Variants in ACADM observed in about 807,000 individuals in gnomAD.
ACADM encodes the protein acyl-CoA dehydrogenase medium chain.
ACADM carries 49 observed loss-of-function variants against 58.9 expected under a neutral mutation model. The ratio of observed to expected loss-of-function variants is 0.83; its 90% CI spans 0.66 to 1.06. ACADM has a LOEUF of 1.06. Ranked by LOEUF, ACADM falls within the 50% of genes least tolerant of loss-of-function variation. The pLI is 0.00. For missense variants in ACADM, 496 were observed against 507.0 expected (o/e 0.98, Z 0.21); for synonymous variants, 160 against 157.7 (o/e 1.01, Z -0.11).
At chr1:75,761,895 C>G (rs1444481419) in intron 11 of ACADM, among the ~76,000 whole-genome samples, 1 of 152,184 alleles carries the variant, frequency 6.6e-6, no homozygotes, top group African/African-American at 2.4e-5. Context: ...TTAATAATTA[C>G]CACATTCTTG....
At chr1:75,743,517 G>A in intron 7 of ACADM, 1 of 1,608,572 alleles carries the variant, frequency 6.2e-7, no homozygotes, top group Non-Finnish European at 8.5e-7. Context: ...GGTGATCATA[G>A]GTCAGTGCCA....
intron 2 of ACADM, among the ~76,000 whole-genome samples, chr1:75,728,958 T>C (rs1439819683): frequency 6.6e-6 from 1 of 152,206 alleles, no homozygotes; most frequent in Non-Finnish European, 1.5e-5. Flanking sequence ...CCATGATTTT[T>C]TTTCCTCTGC....
chr1:75,739,900 A>C, intron 6 of ACADM, 80 bp from the exon 7 acceptor site: 1 of 1,056,656 alleles, frequency 9.5e-7, no homozygotes, highest in Non-Finnish European at 1.3e-6. Flanking sequence ...AGCTTAAAAA[A>C]TAAAACAATC....
rs180721282 is a variant in ACADM at position 75,740,789 on chromosome 1, A to G, written c.599+679A>G. Among the ~76,000 whole-genome samples the G allele has an allele frequency of 6.6e-4, 100 of 152,310 alleles. 1 individual carries two copies. Among genetic ancestry groups the G allele is most frequent in the African/African-American group, 2.2e-3 (90 of 41,584 alleles). On this transcript the variant is annotated intron_variant, in intron 7 of 11. Transcript: ENST00000370841. ...AAGTACAGCATCAAATAGAGAAAAA[A>G]TGGTGACAGTTCTGGGCAACACATT...
At chr1:75,728,302 G>A in intron 1 of ACADM, 99 bp from the exon 2 acceptor site, 1 of 926,236 alleles carries the variant, frequency 1.1e-6, no homozygotes, top group Non-Finnish European at 1.6e-6. Context: ...TATGAGTATG[G>A]TCAAACCAGT....
In ACADM at chr1:75,750,481, A is replaced by C; in HGVS notation, c.880A>C (p.Arg294=). ...TGCTGGTGCTGTTGGATTAGCACAA[A>C]GAGCTTTGGATGAAGCTACCAAGTA... The part of the protein sequence containing the change: ...VAAGAVGLAQ[R]ALDEATKYAL... Residue 294 remains arginine (R), a synonymous_variant, in exon 10 of 12, where the codon AGA becomes CGA. Transcript: ENST00000370841. 6.2e-7 allele frequency: 1 copy of C among 1,612,438 alleles called. No individual in the cohort carries two copies. Among genetic ancestry groups the C allele is most frequent in the Non-Finnish European group, 8.5e-7 (1 of 1,179,832 alleles).
Position 75,761,121 on chromosome 1 carries a change from G to T in ACADM, c.946-1G>T. 6.2e-7 allele frequency: 1 copy of T among 1,613,472 alleles called. No individual in the cohort carries two copies. The highest frequency in any genetic ancestry group is 1.1e-5 in the South Asian group (1 of 91,054). On this transcript the variant is annotated splice_acceptor_variant, in intron 10 of 11. Coordinates refer to ENST00000370841, the MANE Select transcript of ACADM (RefSeq NM_000016.6). LOFTEE classifies it high-confidence loss of function. ...TTTAATTTTTTTCTTTTTAATTCTA[G>T]CACCAAGCAATATCATTTATGCTGG...
In ACADM at chr1:75,753,795, C is replaced by CTTTTTTTTTTTTTTTTTTTTTTTTTTT. The variant is rs71071962; in HGVS notation, c.945+3268_945+3269insTTTTTTTTTTTTTTTTTTTTTTTTTTT. 9.5e-4 allele frequency among the ~76,000 whole-genome samples: 78 copies of CTTTTTTTTTTTTTTTTTTTTTTTTTTT among 81,898 alleles called. 15 individuals are homozygous for CTTTTTTTTTTTTTTTTTTTTTTTTTTT. The highest frequency in any genetic ancestry group is 3.5e-3 in the African/African-American group (57 of 16,464). 53.7% of individuals were successfully genotyped at this position (81,898 alleles called of 152,430 possible). A position where few individuals can be genotyped will look rare whatever the true frequency, so the allele number is the denominator to read the frequency against. On this transcript the variant is annotated intron_variant, in intron 10 of 11. Transcript: ENST00000370841. Reference sequence around the variant, plus strand: ...GCACTCTGCAAAATGCTGATAGCTTCTTTTTTTTTTTTTTTTTTTGAGACA... The same window carrying CTTTTTTTTTTTTTTTTTTTTTTTTTTT: ...GCACTCTGCAAAATGCTGATAGCTTCTTTTTTTTTTTTTTTTTTTTTTTTTTTTTTTTTTTTTTTTTTTTTTGAGACA...
chr1:75,739,712 C>T lies in ACADM; in HGVS notation c.469-268C>T, dbSNP rs780926327. Among the ~76,000 whole-genome samples the T allele has an allele frequency of 2.2e-4, 34 of 152,166 alleles. 1 individual carries two copies. Among genetic ancestry groups the T allele is most frequent in the Non-Finnish European group, 4.4e-4 (30 of 67,990 alleles). On this transcript the variant is annotated intron_variant, in intron 6 of 11. Transcript: ENST00000370841. ...AGCTATTATACACGGGAGGCTGAGG[C>T]GGGAGGATTTCCTGAGTCCAGGAAG...
At chr1:75,732,389 A>T (rs762360902) in intron 2 of ACADM, 2 of 404,162 alleles carry the variant, frequency 4.9e-6, no homozygotes, top group Admixed American at 4.2e-5. Flanking sequence ...AACTCACTTG[A>T]GCTCTACAGG....
intron 4 of ACADM, chr1:75,733,156 T>G (rs534657889): frequency 1.2e-6 from 2 of 1,612,702 alleles, no homozygotes; most frequent in East Asian, 2.2e-5. Flanking sequence ...CTTGGTAACT[T>G]CCGTTTCTAG....
chr1:75,755,339 C>T (rs906070716), intron 10 of ACADM, among the ~76,000 whole-genome samples: 1 of 152,194 alleles, frequency 6.6e-6, no homozygotes, highest in African/African-American at 2.4e-5. Context: ...CCTGAGTAGC[C>T]TAACTGGGAG....
chr1:75,739,453 A>G (rs1477333188), intron 6 of ACADM, among the ~76,000 whole-genome samples: 2 of 152,178 alleles, frequency 1.3e-5, no homozygotes, highest in Non-Finnish European at 1.5e-5. Context: ...TAACATTTTC[A>G]CTTTTTATTA....
At chr1:75,746,517 G>T (rs947586087) in intron 8 of ACADM, among the ~76,000 whole-genome samples, 1 of 150,190 alleles carries the variant, frequency 6.7e-6, no homozygotes. Context: ...AGACTAAAGA[G>T]AAAAGAGTTT....
At chr1:75,735,341 G>A (rs1265156881) in intron 6 of ACADM, among the ~76,000 whole-genome samples, 9 of 135,950 alleles carry the variant, frequency 6.6e-5, no homozygotes, top group South Asian at 2.6e-4. Context: ...AAAAAAAAAG[G>A]TGTCATCATA....
chr1:75,750,564 T>TG lies in ACADM; in HGVS notation c.945+19dup. On this transcript the variant is annotated intron_variant, in intron 10 of 11. Transcript: ENST00000370841. ...TTGTAGAGGTAATTTTAATACTGCT[T>TG]GCTTTGTTCAAATGTAAAGACACTC... 1 of 1,514,602 alleles carries TG rather than the reference T, an allele frequency of 6.6e-7. No individual in the cohort carries two copies. The highest frequency in any genetic ancestry group is 9.1e-7 in the Non-Finnish European group (1 of 1,093,052). The allele number at this position is 1,514,602 out of a possible 1,614,324, so 93.8% of individuals were successfully genotyped here. A position where few individuals can be genotyped will look rare whatever the true frequency, so the allele number is the denominator to read the frequency against.
intron 9 of ACADM, 62 bp downstream of exon 9, chr1:75,749,621 T>G: frequency 6.9e-7 from 1 of 1,450,136 alleles, no homozygotes; most frequent in Non-Finnish European, 9.5e-7. Flanking sequence ...AATAAGTATT[T>G]TTACTTTAAA....
intron 6 of ACADM, among the ~76,000 whole-genome samples, chr1:75,738,741 CG>C (rs1261688885): frequency 1.3e-5 from 2 of 152,090 alleles, no homozygotes; most frequent in Non-Finnish European, 2.9e-5. Flanking sequence ...CCACCATGCT[CG>C]GCCCAGTTTC....
intron 2 of ACADM, among the ~76,000 whole-genome samples, chr1:75,728,927 C>T (rs1019890746): frequency 2.6e-5 from 4 of 152,158 alleles, no homozygotes; most frequent in African/African-American, 9.7e-5. Flanking sequence ...AGATGAAGTT[C>T]TCACTCCTGG....
Sources: allele counts gnomAD v4.1 joint callset (sites outside exome capture counted in the v4.1 genomes callset), GRCh38; gene constraint gnomAD v4.1.1; transcripts MANE v1.5; gene names NCBI Gene and HGNC (gene_info 2026-07-23, HGNC 2026-07-21).